The following CLVS2 variants were observed in gnomAD, a reference collection of about 807,000 sequenced individuals.
CLVS2 encodes the protein clavesin 2, also known as clavesin-2.
CLVS2 carries 19 observed loss-of-function variants against 29.0 expected under a neutral mutation model. The ratio of observed to expected loss-of-function variants is 0.66; its 90% CI spans 0.46 to 0.96. The LOEUF is 0.96. CLVS2 is among the 40% of genes least tolerant of loss of function. CLVS2 has a pLI of 0.00. For missense variants in CLVS2, 294 were observed against 404.1 expected (o/e 0.73, Z 2.34); for synonymous variants, 161 against 151.3 (o/e 1.06, Z -0.47).
rs1485440121 is a variant in CLVS2 at position 123,055,923 on chromosome 6, C to A, written c.793C>A (p.Leu265Met). 6 of 1,613,750 alleles carry A rather than the reference C, an allele frequency of 3.7e-6. No homozygotes were observed. Among genetic ancestry groups the A allele is most frequent in the Non-Finnish European group, 4.2e-6 (5 of 1,179,788 alleles). ...TGACATGGGGACATGGGCAAGAACA[C>A]TGCTAGACCATGAATATGACGATGA... Reference protein sequence around the residue: ...PYDMGTWARTLLDHEYDDDSE... With the variant: ...PYDMGTWARTMLDHEYDDDSE... Residue 265 changes from leucine to methionine, a missense_variant, in exon 5 of 6, where the codon CTG (leucine) becomes ATG (methionine). Physicochemically the swap from Leu to Met is conservative, Grantham distance 15. Transcript: ENST00000275162.
Position 122,997,592 on chromosome 6 carries a change from CTTTGCTGGGGG to C in CLVS2, c.-185_-175del. 1 of 626,576 alleles carries C rather than the reference CTTTGCTGGGGG, an allele frequency of 1.6e-6. No homozygotes were observed. Among genetic ancestry groups the C allele is most frequent in the Non-Finnish European group, 2.8e-6 (1 of 358,080 alleles). The allele number at this position is 626,576 out of a possible 1,614,324, so 38.8% of individuals were successfully genotyped here. A position where few individuals can be genotyped will look rare whatever the true frequency, so the allele number is the denominator to read the frequency against. On this transcript the variant is annotated 5_prime_UTR_variant, in exon 2 of 6. It removes the in-frame stop codon of an upstream open reading frame in the 5' UTR. Transcript: ENST00000275162. The stretch of plus-strand genomic sequence containing the variant: ...AGTTTACACCCCCCGGCCCCCCCAG[CTTTGCTGGGGG>C]AAAGCAGGAGCAACAGGGCACTTGA...
chr6:123,024,600 G>A (rs1774973420), intron 3 of CLVS2, among the ~76,000 whole-genome samples: 1 of 152,086 alleles, frequency 6.6e-6, no homozygotes, highest in African/African-American at 2.4e-5. Flanking sequence ...TCTCTTCAGA[G>A]GCCATACCCT....
intron 3 of CLVS2, among the ~76,000 whole-genome samples, chr6:123,035,308 C>T (rs541777129): frequency 6.6e-6 from 1 of 151,094 alleles, no homozygotes; most frequent in East Asian, 1.9e-4. Context: ...TGGAACTTAC[C>T]ATTGGGTACA....
At chr6:123,004,037 T>G (rs1018097777) in intron 2 of CLVS2, among the ~76,000 whole-genome samples, 1 of 152,180 alleles carries the variant, frequency 6.6e-6, no homozygotes. Flanking sequence ...TTCTGATAAT[T>G]AAAGATAATT....
At chr6:123,038,408 A>G (rs1051349985) in intron 3 of CLVS2, among the ~76,000 whole-genome samples, 17 of 152,182 alleles carry the variant, frequency 1.1e-4, no homozygotes, top group African/African-American at 4.1e-4. Context: ...TGTTAAGTTT[A>G]ATTAATGCTT....
chr6:123,063,699 G>A lies in CLVS2; in HGVS notation c.922G>A (p.Val308Ile), dbSNP rs368122478. Residue 308 changes from valine to isoleucine, a missense_variant, in exon 6 of 6, where the codon GTA (valine) becomes ATA (isoleucine). Physicochemically the swap from Val to Ile is conservative, Grantham distance 29. This residue lies in a region of CLVS2 where 82 missense variants were observed against 67.8 expected (regional missense o/e 1.21). Transcript: ENST00000275162. ...KRSQSVVDPT[V>I]LKRMDKNEEE... ...ATCTCAATCAGTAGTGGATCCTACA[G>A]TACTAAAACGCATGGATAAAAATGA... is the stretch of plus-strand genomic sequence containing the variant. 1.2e-6 allele frequency: 2 copies of A among 1,611,808 alleles called. No homozygotes were observed. Among genetic ancestry groups the A allele is most frequent in the South Asian group, 2.2e-5 (2 of 90,964 alleles).
intron 4 of CLVS2, 24 bp downstream of exon 4, chr6:123,048,756 TC>T (rs1264167482): frequency 3.5e-6 from 5 of 1,415,188 alleles, no homozygotes; most frequent in Non-Finnish European, 5.0e-6. Flanking sequence ...TGATTTTTAA[TC>T]CTTTCTCTTC....
chr6:123,062,799 T>A (rs910313295), intron 5 of CLVS2, among the ~76,000 whole-genome samples: 14 of 152,252 alleles, frequency 9.2e-5, no homozygotes, highest in Admixed American at 5.2e-4. Context: ...TTGGCTGGAA[T>A]GCAGCAGCAG....
rs1042509667 is a variant in CLVS2 at position 123,071,540 on chromosome 6, T to C, written c.*7779T>C. 1 of 152,042 alleles carries C rather than the reference T, an allele frequency of 6.6e-6. No individual in the cohort carries two copies. Among genetic ancestry groups the C allele is most frequent in the Non-Finnish European group, 1.5e-5 (1 of 67,932 alleles). 9.4% of individuals were successfully genotyped at this position (152,042 alleles called of 1,614,324 possible). A position where few individuals can be genotyped will look rare whatever the true frequency, so the allele number is the denominator to read the frequency against. ...AGATTAAAACTACATGGAATTGTTC[T>C]TTATGGATTATCATGGTTAATTTCA... On this transcript the variant is annotated 3_prime_UTR_variant, in exon 6 of 6. Transcript: ENST00000275162.
intron 4 of CLVS2, among the ~76,000 whole-genome samples, chr6:123,054,720 C>T (rs1772668930): frequency 6.6e-6 from 1 of 151,804 alleles, no homozygotes. Flanking sequence ...AGTGTTGTAG[C>T]AGAGAAGGCC....
At chr6:123,023,542 C>T (rs1417533999) in intron 3 of CLVS2, among the ~76,000 whole-genome samples, 2 of 152,064 alleles carry the variant, frequency 1.3e-5, no homozygotes, top group African/African-American at 2.4e-5. Flanking sequence ...AAGTTATATA[C>T]AATAATAGAG....
chr6:123,014,603 A>G (rs1261362522), intron 3 of CLVS2, among the ~76,000 whole-genome samples: 18 of 152,108 alleles, frequency 1.2e-4, no homozygotes. Context: ...TTATTATATT[A>G]GAAATGATAC....
At chr6:123,017,883 G>C (rs970669976) in intron 3 of CLVS2, among the ~76,000 whole-genome samples, 4 of 152,000 alleles carry the variant, frequency 2.6e-5, no homozygotes, top group Non-Finnish European at 5.9e-5. Flanking sequence ...TAGGAAGCAG[G>C]TGTCAACCTT....
At chr6:123,023,799 G>T (rs1774958240) in intron 3 of CLVS2, among the ~76,000 whole-genome samples, 1 of 152,074 alleles carries the variant, frequency 6.6e-6, no homozygotes, top group South Asian at 2.1e-4. Flanking sequence ...CCCGTATCAT[G>T]TCCAGATTTT....
chr6:123,066,351 C>G lies in CLVS2; in HGVS notation c.*2590C>G, dbSNP rs1772855113. ...AATAGTATACCTCCACTCTCTCTCT[C>G]TCTCTCATACACACACACACACACA... On this transcript the variant is annotated 3_prime_UTR_variant, in exon 6 of 6. Coordinates refer to ENST00000275162, the MANE Select transcript of CLVS2 (RefSeq NM_001010852.4). The G allele has an allele frequency of 6.6e-6, 1 of 150,838 alleles. No individual in the cohort carries two copies. 9.3% of individuals were successfully genotyped at this position (150,838 alleles called of 1,614,324 possible).
intron 3 of CLVS2, among the ~76,000 whole-genome samples, chr6:123,026,545 T>C (rs1775003476): frequency 1.3e-5 from 2 of 152,158 alleles, no homozygotes; most frequent in Admixed American, 6.6e-5. Context: ...CATATAGCTG[T>C]GATGGGTCAC....
rs569569287 is a variant in CLVS2, at chr6:123,069,006, G to C, written c.*5245G>C. On this transcript the variant is annotated 3_prime_UTR_variant, in exon 6 of 6. Coordinates refer to ENST00000275162, the MANE Select transcript of CLVS2 (RefSeq NM_001010852.4). ...TAAAAATTAGCAATATTTTTATTTT[G>C]AGAGAAATTGTGCTTAGCTATTTAA... is the stretch of plus-strand genomic sequence containing the variant. 7.9e-5 allele frequency: 12 copies of C among 151,612 alleles called. No individual in the cohort carries two copies. The Admixed American group carries it at 7.9e-4, about 10-fold the overall frequency. The allele number at this position is 151,612 out of a possible 1,614,324, so 9.4% of individuals were successfully genotyped here. A position where few individuals can be genotyped will look rare whatever the true frequency, so the allele number is the denominator to read the frequency against.
At chr6:123,058,460 A>G (rs1772726883) in intron 5 of CLVS2, among the ~76,000 whole-genome samples, 1 of 151,858 alleles carries the variant, frequency 6.6e-6, no homozygotes, top group Non-Finnish European at 1.5e-5. Flanking sequence ...ACGTGAGCAC[A>G]TTTTTCTCTG....
intron 3 of CLVS2, among the ~76,000 whole-genome samples, chr6:123,042,091 A>G (rs921952640): frequency 7.9e-5 from 12 of 152,292 alleles, no homozygotes; most frequent in Non-Finnish European, 1.6e-4. Flanking sequence ...TAAAATTGAG[A>G]CACTATTTTT....
Sources: gnomAD v4.1 joint callset for allele counts (sites outside exome capture counted in the v4.1 genomes callset) on GRCh38, gnomAD v4.1.1 for gene constraint, gnomAD v4.1.1 regional missense constraint, MANE v1.5 for transcripts, NCBI Gene and HGNC (gene_info 2026-07-23, HGNC 2026-07-21) for gene names.